Variants in KIAA1549L observed in about 807,000 individuals in gnomAD.
KIAA1549L encodes the protein UPF0606 protein KIAA1549L.
A neutral mutation model predicts 160.7 loss-of-function variants in KIAA1549L; 88 were observed. That is an observed-to-expected ratio of 0.55 (90% CI 0.46 to 0.65). KIAA1549L has a LOEUF of 0.65. Among genes scored for constraint, KIAA1549L ranks in the 30% least tolerant of loss-of-function variants. KIAA1549L has a pLI of 0.00. For synonymous variants in KIAA1549L, 950 were observed against 976.7 expected (o/e 0.97, Z 0.51); for missense variants, 2,258 against 2,437.5 (o/e 0.93, Z 1.55).
At chr11:33,461,274 A>C (rs1851937098) in intron 1 of KIAA1549L, among the ~76,000 whole-genome samples, 1 of 152,180 alleles carries the variant, frequency 6.6e-6, no homozygotes, top group Non-Finnish European at 1.5e-5. Context: ...TGTATTGTGC[A>C]TCTACCACGT....
rs1441731399 is a variant in KIAA1549L, at chr11:33,444,194, A to G, written c.238+67305A>G. Among the ~76,000 whole-genome samples, 5 of 152,244 alleles carry G rather than the reference A, an allele frequency of 3.3e-5. 1 individual carries two copies. Among genetic ancestry groups the G allele is most frequent in the African/African-American group, 1.2e-4 (5 of 41,464 alleles). On this transcript the variant is annotated intron_variant, in intron 1 of 20. Coordinates refer to ENST00000658780, the MANE Select transcript of KIAA1549L (RefSeq NM_012194.3). Reference sequence around the variant, plus strand: ...TTAAACTGTCACAATAGAATGAAATATTATTTATTCATTGTTCTTTTCGGT... The same window carrying G: ...TTAAACTGTCACAATAGAATGAAATGTTATTTATTCATTGTTCTTTTCGGT...
chr11:33,465,226 T>A (rs560361380), intron 1 of KIAA1549L, among the ~76,000 whole-genome samples: 1 of 152,126 alleles, frequency 6.6e-6, no homozygotes, highest in East Asian at 1.9e-4. Context: ...CTTGCTATTT[T>A]GTATTTTTAG....
intron 16 of KIAA1549L, among the ~76,000 whole-genome samples, chr11:33,638,176 T>A (rs1163901042): frequency 1.3e-5 from 2 of 152,194 alleles, no homozygotes. Context: ...TTGACAAAAG[T>A]GTACACCCTT....
intron 1 of KIAA1549L, among the ~76,000 whole-genome samples, chr11:33,477,070 A>G (rs1852301600): frequency 6.6e-6 from 1 of 152,200 alleles, no homozygotes; most frequent in Non-Finnish European, 1.5e-5. Context: ...CTGGCAACTC[A>G]TGGTCAGTGC....
Position 33,545,251 on chromosome 11 carries a change from G to C in KIAA1549L, c.3258G>C (p.Arg1086=). 2 of 1,614,046 alleles carry C rather than the reference G, an allele frequency of 1.2e-6. No individual in the cohort carries two copies. The highest frequency in any genetic ancestry group is 2.2e-5 in the East Asian group (1 of 44,886). The change falls in exon 3 of 21, where the codon CGG becomes CGC. Residue 1086 remains arginine, a synonymous_variant. Coordinates refer to ENST00000658780, the MANE Select transcript of KIAA1549L (RefSeq NM_012194.3). ...TTACAGCCTCAGTGAAGGCCACCCG[G>C]TTGCCACCATTGCGAGCAGAAAACA... The part of the protein sequence containing the change: ...TSITASVKAT[R]LPPLRAENTD...
At chr11:33,413,904 G>A (rs1343458953) in intron 1 of KIAA1549L, among the ~76,000 whole-genome samples, 1 of 152,166 alleles carries the variant, frequency 6.6e-6, no homozygotes, top group East Asian at 1.9e-4. Context: ...AGGGTCTCTG[G>A]TGAAGGTGTT....
intron 10 of KIAA1549L, among the ~76,000 whole-genome samples, chr11:33,582,842 G>T (rs1855686779): frequency 6.6e-6 from 1 of 152,204 alleles, no homozygotes; most frequent in South Asian, 2.1e-4. Flanking sequence ...TTCTGGGGGA[G>T]ATCCATCTGC....
At chr11:33,447,908 G>T (rs938921590) in intron 1 of KIAA1549L, among the ~76,000 whole-genome samples, 36 of 152,086 alleles carry the variant, frequency 2.4e-4, no homozygotes, top group African/African-American at 8.2e-4. Flanking sequence ...AGAACTTGAG[G>T]AAAGAGTGAG....
intron 16 of KIAA1549L, among the ~76,000 whole-genome samples, chr11:33,637,441 A>G (rs1341475764): frequency 1.1e-4 from 16 of 152,112 alleles, no homozygotes; most frequent in East Asian, 1.9e-4. Context: ...CCTTCTTACC[A>G]TGGCCTTTAA....
At chr11:33,411,874 C>T (rs1357857977) in intron 1 of KIAA1549L, among the ~76,000 whole-genome samples, 1 of 152,200 alleles carries the variant, frequency 6.6e-6, no homozygotes, top group Non-Finnish European at 1.5e-5. Flanking sequence ...GGATGTAAAG[C>T]ACACAGGACA....
Position 33,561,665 on chromosome 11 carries a change from A to G in KIAA1549L, c.4019-11A>G. 1.3e-6 allele frequency: 2 copies of G among 1,592,370 alleles called. No homozygotes were observed. The highest frequency in any genetic ancestry group is 8.6e-7 in the Non-Finnish European group (1 of 1,161,318). Reference sequence around the variant, plus strand: ...ATAAAAGTAATTGGGTATGTTTCTTATTTGTTTTAGCACTGGAATATCCCA... The same window carrying G: ...ATAAAAGTAATTGGGTATGTTTCTTGTTTGTTTTAGCACTGGAATATCCCA... On this transcript the variant is annotated splice_polypyrimidine_tract_variant and intron_variant, in intron 7 of 20. Coordinates refer to ENST00000658780, the MANE Select transcript of KIAA1549L (RefSeq NM_012194.3).
intron 1 of KIAA1549L, among the ~76,000 whole-genome samples, chr11:33,412,847 C>T (rs1194318046): frequency 6.6e-6 from 1 of 152,162 alleles, no homozygotes; most frequent in East Asian, 1.9e-4. Context: ...CTATTTTTCT[C>T]TTCTTTTTAG....
At chr11:33,403,722 CCTT>C (rs1316589991) in intron 1 of KIAA1549L, 3 of 152,398 alleles carry the variant, frequency 2.0e-5, no homozygotes, top group East Asian at 1.9e-4. Flanking sequence ...TGCTTCTCCT[CCTT>C]CTCTTCCTCC....
At chr11:33,502,729 C>G (rs1324902023) in intron 1 of KIAA1549L, among the ~76,000 whole-genome samples, 1 of 152,156 alleles carries the variant, frequency 6.6e-6, no homozygotes, top group Non-Finnish European at 1.5e-5. Context: ...AGAGAATGAG[C>G]TTCTAAGTCA....
intron 16 of KIAA1549L, among the ~76,000 whole-genome samples, chr11:33,632,927 G>A (rs1590419571): frequency 6.6e-6 from 1 of 151,722 alleles, no homozygotes; most frequent in Middle Eastern, 3.4e-3. Flanking sequence ...TCTCCTCCAC[G>A]TCACTCTTCC....
At chr11:33,614,553 TATATATATATATATATATA>T in intron 15 of KIAA1549L, among the ~76,000 whole-genome samples, 1 of 13,218 alleles carries the variant, frequency 7.6e-5, no homozygotes, top group African/African-American at 5.0e-4. Context: ...TATATATATA[TATATATATATATATATATA>T]TATATATATA....
intron 8 of KIAA1549L, among the ~76,000 whole-genome samples, chr11:33,563,348 C>CA (rs68027285): frequency 0.016 from 1,530 of 95,834 alleles, 26 homozygotes; most frequent in Non-Finnish European, 0.023. Context: ...GACCGTGTCT[C>CA]AAAAAAAAAA....
intron 16 of KIAA1549L, among the ~76,000 whole-genome samples, chr11:33,635,233 G>A (rs564824362): frequency 1.3e-5 from 2 of 152,306 alleles, no homozygotes; most frequent in East Asian, 3.9e-4. Flanking sequence ...GGCAGAGGAG[G>A]CATTAAATGG....
intron 1 of KIAA1549L, among the ~76,000 whole-genome samples, chr11:33,393,159 A>G (rs2134051193): frequency 6.6e-6 from 1 of 152,338 alleles, no homozygotes; most frequent in East Asian, 1.9e-4. Context: ...CTGCCGCTAT[A>G]GCGAGGCTTG....
Sources: gnomAD v4.1 joint callset for allele counts (sites outside exome capture counted in the v4.1 genomes callset) on GRCh38, gnomAD v4.1.1 for gene constraint, MANE v1.5 for transcripts, NCBI Gene and HGNC (gene_info 2026-07-23, HGNC 2026-07-21) for gene names.